ANKRD26: variants seen among roughly 807,000 people sequenced by gnomAD.
ANKRD26 encodes the protein ankyrin repeat domain 26.
ANKRD26 carries 141 observed loss-of-function variants against 208.7 expected under a neutral mutation model. The ratio of observed to expected loss-of-function variants is 0.68; its 90% CI spans 0.59 to 0.78. The LOEUF (loss-of-function observed/expected upper bound fraction) is 0.78, where lower values mean the gene tolerates loss of function less well. Among genes scored for constraint, ANKRD26 ranks in the 30% least tolerant of loss-of-function variants. The pLI is 0.00. For missense variants in ANKRD26, 1,889 were observed against 1,938.7 expected (o/e 0.97, Z 0.48); for synonymous variants, 636 against 660.4 (o/e 0.96, Z 0.57).
intron 9 of ANKRD26, among the ~76,000 whole-genome samples, chr10:27,071,960 G>A (rs897899346): frequency 1.3e-5 from 2 of 152,186 alleles, no homozygotes; most frequent in Admixed American, 6.5e-5. Flanking sequence ...GCGTCCTGCC[G>A]GAAGTCAGCC....
chr10:27,002,488 G>A (rs1298627730), downstream of ANKRD26, among the ~76,000 whole-genome samples: 1 of 152,132 alleles, frequency 6.6e-6, no homozygotes, highest in Non-Finnish European at 1.5e-5. Flanking sequence ...GTCATGACAT[G>A]GTCCCAGTTA....
At chr10:26,978,629 G>T (rs1470556874) in intron 5 of ANKRD26, among the ~76,000 whole-genome samples, 3 of 152,182 alleles carry the variant, frequency 2.0e-5, no homozygotes, top group African/African-American at 7.2e-5. Context: ...GAAAATCATG[G>T]CCTGTTTCAT....
chr10:26,986,780 G>A (rs556483594), intron 3 of ANKRD26, among the ~76,000 whole-genome samples: 18 of 152,204 alleles, frequency 1.2e-4, no homozygotes, highest in African/African-American at 2.9e-4. Flanking sequence ...TCAGGAAACA[G>A]CAGGTGCTGG....
intron 24 of ANKRD26, among the ~76,000 whole-genome samples, chr10:27,034,096 T>A (rs928779305): frequency 2.0e-5 from 3 of 152,222 alleles, no homozygotes; most frequent in Non-Finnish European, 4.4e-5. Context: ...TTGCTCATAA[T>A]ATATTCAAAG....
chr10:27,097,320 A>T (rs1003081975), intron 1 of ANKRD26, among the ~76,000 whole-genome samples: 16 of 22,278 alleles, frequency 7.2e-4, no homozygotes, highest in Admixed American at 6.1e-3. Context: ...CTAGAAATAC[A>T]AAAAAAAAAA....
intron 5 of ANKRD26, among the ~76,000 whole-genome samples, chr10:26,992,471 C>T (rs2052504991): frequency 1.2e-5 from 1 of 81,816 alleles, no homozygotes; most frequent in Admixed American, 1.3e-4. Flanking sequence ...CACACACGTA[C>T]ACACACACAC....
chr10:27,012,949 T>C lies in ANKRD26; in HGVS notation c.4886A>G (p.Glu1629Gly). 3 of 1,614,166 alleles carry C rather than the reference T, an allele frequency of 1.9e-6. No individual in the cohort carries two copies. The highest frequency in any genetic ancestry group is 2.2e-5 in the East Asian group (1 of 44,884). Residue 1629 changes from glutamate to glycine, a missense_variant, in exon 32 of 34, where the codon GAA becomes GGA. This residue lies in a region of ANKRD26 where 613 missense variants were observed against 648.2 expected (regional missense o/e 0.95). Coordinates refer to ENST00000376087, the MANE Select transcript of ANKRD26 (RefSeq NM_014915.3). ...ATTTGAGGTAGAGATCACTAAGTTT[T>C]CTCTTGGAATAAGTTTTCTGTTGAG... Reference protein sequence around the residue: ...LDLNRKLIPRENLVISTSNPR... With the variant: ...LDLNRKLIPRGNLVISTSNPR...
intron 5 of ANKRD26, among the ~76,000 whole-genome samples, chr10:26,979,814 T>C (rs2052281033): frequency 6.6e-6 from 1 of 152,216 alleles, no homozygotes; most frequent in South Asian, 2.1e-4. Flanking sequence ...TCTTTTACAA[T>C]AGTAACAGGC....
intron 5 of ANKRD26, among the ~76,000 whole-genome samples, chr10:26,979,406 C>T (rs2134616610): frequency 6.6e-6 from 1 of 152,266 alleles, no homozygotes; most frequent in East Asian, 1.9e-4. Context: ...CAGACACTTA[C>T]CCAGCATATT....
chr10:27,068,225 T>C (rs934143325), intron 9 of ANKRD26, among the ~76,000 whole-genome samples: 5 of 152,212 alleles, frequency 3.3e-5, no homozygotes, highest in African/African-American at 4.8e-5. Flanking sequence ...GTTCTCATGA[T>C]AGTGAGTGAA....
chr10:27,016,153 T>C (rs2053283539), intron 30 of ANKRD26, among the ~76,000 whole-genome samples: 1 of 152,080 alleles, frequency 6.6e-6, no homozygotes, highest in South Asian at 2.1e-4. Context: ...GCCTGGCTAA[T>C]TACTTTTTTA....
chr10:26,996,717 C>A (rs1235586009), intron 4 of ANKRD26, among the ~76,000 whole-genome samples: 1 of 152,058 alleles, frequency 6.6e-6, no homozygotes, highest in Non-Finnish European at 1.5e-5. Flanking sequence ...TGTTGGGGAG[C>A]AGTATCTTTA....
chr10:27,063,657 A>G (rs1044886008), intron 12 of ANKRD26, among the ~76,000 whole-genome samples: 1 of 152,062 alleles, frequency 6.6e-6, no homozygotes, highest in African/African-American at 2.4e-5. Flanking sequence ...CATTACATAC[A>G]CTTGCTTCTT....
In ANKRD26 at chr10:27,086,605, G is replaced by C. The variant is rs751730465; in HGVS notation, c.643C>G (p.His215Asp). The C allele has an allele frequency of 6.2e-7, 1 of 1,603,470 alleles. No individual in the cohort carries two copies. Among genetic ancestry groups the C allele is most frequent in the Non-Finnish European group, 8.5e-7 (1 of 1,173,890 alleles). ...VNAVDKLESSHQLISEYKEER... is the reference protein window; with the variant it reads ...VNAVDKLESSDQLISEYKEER... ...TCTTTATATTCTGAAATTAGTTGGT[G>C]ACTGCTATGTATAGAAAAATGTAAC... The change falls in exon 5 of 34, where the codon CAC becomes GAC. Residue 215 changes from histidine (H) to aspartate (D), a missense_variant. Around this residue, in one of 3 missense-constraint regions of ANKRD26, gnomAD observed 1,272 missense variants for 1,273.8 expected, o/e 1.00. Coordinates refer to ENST00000376087, the MANE Select transcript of ANKRD26 (RefSeq NM_014915.3).
exon 6 of ANKRD26, among the ~76,000 whole-genome samples, chr10:26,974,208 T>C (rs903400544): frequency 4.6e-5 from 7 of 152,200 alleles, no homozygotes; most frequent in African/African-American, 1.4e-4. Flanking sequence ...CTCAATATTT[T>C]ACATGTTCCT....
At chr10:26,994,432 T>C (rs955183524) in intron 5 of ANKRD26, among the ~76,000 whole-genome samples, 1 of 152,212 alleles carries the variant, frequency 6.6e-6, no homozygotes, top group African/African-American at 2.4e-5. Context: ...TGACATCCCA[T>C]TGGAATAATG....
At chr10:27,028,000 AC>A (rs1466607785) in intron 27 of ANKRD26, among the ~76,000 whole-genome samples, 1 of 152,218 alleles carries the variant, frequency 6.6e-6, no homozygotes, top group Non-Finnish European at 1.5e-5. Flanking sequence ...ATTTTGTCCA[AC>A]TGTAGGCTAA....
At chr10:27,009,505 C>T (rs1227152576) in intron 32 of ANKRD26, among the ~76,000 whole-genome samples, 3 of 152,094 alleles carry the variant, frequency 2.0e-5, no homozygotes, top group Non-Finnish European at 4.4e-5. Context: ...TAACTTAACA[C>T]AGTGCCTGAT....
intron 21 of ANKRD26, among the ~76,000 whole-genome samples, chr10:27,039,586 A>G (rs1179799049): frequency 6.6e-6 from 1 of 152,170 alleles, no homozygotes; most frequent in African/African-American, 2.4e-5. Flanking sequence ...AAATTCCTAT[A>G]CTTTAAACGA....
Sources: gnomAD v4.1 joint callset for allele counts (sites outside exome capture counted in the v4.1 genomes callset) on GRCh38, gnomAD v4.1.1 for gene constraint, gnomAD v4.1.1 regional missense constraint, MANE v1.5 for transcripts, NCBI Gene and HGNC (gene_info 2026-07-23, HGNC 2026-07-21) for gene names.